The following CUX2 variants were observed in gnomAD, a reference collection of about 807,000 sequenced individuals.
CUX2 encodes the protein homeobox protein cut-like 2.
CUX2 carries 40 observed loss-of-function variants against 144.8 expected under a neutral mutation model. The observed-to-expected ratio is 0.28, with a 90% CI of 0.21 to 0.36. CUX2 has a LOEUF of 0.36. Ranked by LOEUF, CUX2 falls within the 10% of genes least tolerant of loss-of-function variation. CUX2 has a pLI of 1.00. For missense variants in CUX2, 1,615 were observed against 1,994.0 expected, an observed-to-expected ratio of 0.81 and a Z score of 3.62; for synonymous variants, 827 against 875.6, an observed-to-expected ratio of 0.94 and a Z score of 0.98.
At chr12:111,228,670 T>C (rs1238705552) in intron 3 of CUX2, among the ~76,000 whole-genome samples, 3 of 152,066 alleles carry the variant, frequency 2.0e-5, no homozygotes, top group Non-Finnish European at 4.4e-5. Flanking sequence ...GTGATCCACT[T>C]GCCTCGGCCT....
intron 1 of CUX2, among the ~76,000 whole-genome samples, chr12:111,202,517 G>A (rs533689043): frequency 1.3e-5 from 2 of 152,324 alleles, no homozygotes; most frequent in African/African-American, 4.8e-5. Flanking sequence ...GGGGACTGAT[G>A]GGGGTGACGG....
At position 111,217,931 on chromosome 12, in the gene CUX2, A is replaced by C. The variant is rs766271204; in HGVS notation, c.216A>C (p.Gln72His). 6.2e-7 allele frequency: 1 copy of C among 1,613,964 alleles called. No homozygotes were observed. The highest frequency in any genetic ancestry group is 8.5e-7 in the Non-Finnish European group (1 of 1,180,014). The change falls in exon 3 of 22, where the codon CAA (glutamine) becomes CAC (histidine). Residue 72 changes from glutamine (Q) to histidine (H), a missense_variant. Physicochemically the swap from Gln to His is conservative, Grantham distance 24. Coordinates refer to ENST00000261726, the MANE Select transcript of CUX2 (RefSeq NM_015267.4). ...EMVAPVLKSF[Q>H]AEVVALSKRS... Reference sequence around the variant, plus strand: ...TGGCTCCTGTATTAAAAAGCTTCCAAGCCGAGGTAAGACCCAGGGCCCACA... The same window carrying C: ...TGGCTCCTGTATTAAAAAGCTTCCACGCCGAGGTAAGACCCAGGGCCCACA...
chr12:111,082,099 G>A (rs1566206491), intron 1 of CUX2, among the ~76,000 whole-genome samples: 1 of 152,172 alleles, frequency 6.6e-6, no homozygotes, highest in Non-Finnish European at 1.5e-5. Context: ...CATAGAGAAT[G>A]TATCATTTTG....
At chr12:111,056,238 G>A (rs1022987422) in intron 1 of CUX2, among the ~76,000 whole-genome samples, 14 of 152,164 alleles carry the variant, frequency 9.2e-5, no homozygotes, top group African/African-American at 3.1e-4. Context: ...CTCTGTAAAC[G>A]CAGCAGTCAT....
intron 10 of CUX2, among the ~76,000 whole-genome samples, chr12:111,305,432 G>A (rs1886526050): frequency 2.6e-5 from 4 of 152,162 alleles, no homozygotes; most frequent in Admixed American, 2.6e-4. Context: ...TACTGTGTAT[G>A]TGTGTCTCTA....
chr12:111,341,970 C>T lies in CUX2; in HGVS notation c.3576C>T (p.Tyr1192=). The part of the protein sequence containing the change: ...ALRKAYQLEP[Y]PSQQTIELLS... Reference sequence around the variant, plus strand: ...GGAAGGCCTATCAGCTGGAACCCTACCCCTCGCAGCAGACCATCGAGCTCC... The same window carrying T: ...GGAAGGCCTATCAGCTGGAACCCTATCCCTCGCAGCAGACCATCGAGCTCC... The change falls in exon 21 of 22, where the codon TAC becomes TAT. Residue 1192 remains tyrosine (Y), a synonymous_variant. Transcript: ENST00000261726. 6.2e-7 allele frequency: 1 copy of T among 1,614,150 alleles called. No homozygotes were observed. Among genetic ancestry groups the T allele is most frequent in the Non-Finnish European group, 8.5e-7 (1 of 1,180,028 alleles).
At chr12:111,083,597 G>A (rs1343496169) in intron 1 of CUX2, among the ~76,000 whole-genome samples, 1 of 152,156 alleles carries the variant, frequency 6.6e-6, no homozygotes, top group African/African-American at 2.4e-5. Flanking sequence ...AGGCAAAAGA[G>A]GACTGAGGTT....
rs767367160 is a variant in CUX2, at chr12:111,311,594, A to ATTTTTTTT, written c.1901-504_1901-503insTTTTTTTT. Among the ~76,000 whole-genome samples the ATTTTTTTT allele has an allele frequency of 5.2e-5, 7 of 133,676 alleles. 2 individuals carry two copies. The highest frequency in any genetic ancestry group is 4.8e-4 in the East Asian group (2 of 4,204). 87.7% of individuals were successfully genotyped at this position (133,676 alleles called of 152,430 possible). On this transcript the variant is annotated intron_variant, in intron 15 of 21. Coordinates refer to ENST00000261726, the MANE Select transcript of CUX2 (RefSeq NM_015267.4). ...ATAAGCCACTGTACCCTATTTCTTT[A>ATTTTTTTT]TTATTATTATTTTTTTTTTTTTGAG...
intron 1 of CUX2, among the ~76,000 whole-genome samples, chr12:111,089,204 T>C (rs1016152967): frequency 2.6e-5 from 4 of 152,212 alleles, no homozygotes; most frequent in African/African-American, 9.7e-5. Flanking sequence ...TTCTGCCCTG[T>C]GACAGTGATC....
At chr12:111,132,957 C>T (rs1875600575) in intron 1 of CUX2, among the ~76,000 whole-genome samples, 1 of 152,080 alleles carries the variant, frequency 6.6e-6, no homozygotes, top group South Asian at 2.1e-4. Flanking sequence ...GCCAGATACC[C>T]TAAATCATCT....
intron 1 of CUX2, among the ~76,000 whole-genome samples, chr12:111,176,039 CTTTTTTTT>C (rs1172563784): frequency 8.5e-5 from 6 of 70,198 alleles, no homozygotes; most frequent in African/African-American, 2.7e-4. Context: ...TCTTCTTCTT[CTTTTTTTT>C]TTTTTTTTTT....
chr12:111,173,863 T>C (rs558368779), intron 1 of CUX2, among the ~76,000 whole-genome samples: 51 of 152,318 alleles, frequency 3.3e-4, no homozygotes, highest in Non-Finnish European at 7.1e-4. Context: ...CAGGTGACAC[T>C]GATCCTGCTG....
At chr12:111,252,850 C>T (rs1412664284) in intron 3 of CUX2, among the ~76,000 whole-genome samples, 4 of 150,820 alleles carry the variant, frequency 2.7e-5, no homozygotes, top group Non-Finnish European at 4.4e-5. Context: ...TCACATGAGC[C>T]CAGGAGTTCC....
chr12:111,137,349 ATGTTGT>A (rs892519106), intron 1 of CUX2, among the ~76,000 whole-genome samples: 7 of 148,540 alleles, frequency 4.7e-5, no homozygotes, highest in African/African-American at 1.8e-4. Flanking sequence ...TCTTCTGCTG[ATGTTGT>A]TGTTGTTGTT....
intron 3 of CUX2, among the ~76,000 whole-genome samples, chr12:111,259,031 CTGTGTGTGTGTGTGTGTG>C (rs57814010): frequency 4.5e-5 from 6 of 132,306 alleles, no homozygotes; most frequent in South Asian, 5.6e-4. Context: ...CCACACCCAG[CTGTGTGTGTGTGTGTGTG>C]TGTGTGTGTG....
chr12:111,198,710 G>C (rs1880391341), intron 1 of CUX2, among the ~76,000 whole-genome samples: 1 of 152,260 alleles, frequency 6.6e-6, no homozygotes, highest in Non-Finnish European at 1.5e-5. Context: ...AGTGGGGCCA[G>C]CGAGGGCCCT....
At chr12:111,069,551 T>TGTGC (rs1555266250) in intron 1 of CUX2, among the ~76,000 whole-genome samples, 2 of 146,496 alleles carry the variant, frequency 1.4e-5, no homozygotes, top group African/African-American at 5.3e-5. Context: ...TGTGTGTGTG[T>TGTGC]GCGCGCGCGT....
chr12:111,074,518 C>G (rs1312378465), intron 1 of CUX2, among the ~76,000 whole-genome samples: 1 of 151,978 alleles, frequency 6.6e-6, no homozygotes, highest in East Asian at 1.9e-4. Flanking sequence ...TGTCTTTGCC[C>G]AACCTTGCCT....
intron 1 of CUX2, among the ~76,000 whole-genome samples, chr12:111,136,455 G>C (rs1382818309): frequency 3.9e-5 from 6 of 152,150 alleles, no homozygotes; most frequent in Admixed American, 3.9e-4. Context: ...CCCAACAGGG[G>C]CAAGGCCTCT....
Sources: allele counts gnomAD v4.1 joint callset (sites outside exome capture counted in the v4.1 genomes callset), GRCh38; gene constraint gnomAD v4.1.1; transcripts MANE v1.5; gene names NCBI Gene and HGNC (gene_info 2026-07-23, HGNC 2026-07-21).